The following FSTL4 variants were observed in gnomAD, a reference collection of about 807,000 sequenced individuals.
The protein encoded by FSTL4 is follistatin-related protein 4.
In FSTL4, 28 loss-of-function variants were observed where a neutral mutation model predicts 78.2. The observed-to-expected ratio is 0.36, with a 90% CI of 0.27 to 0.49. FSTL4 has a LOEUF of 0.49. Among genes scored for constraint, FSTL4 ranks in the 20% least tolerant of loss-of-function variants. The probability of loss-of-function intolerance (pLI) is 0.98; values close to 1 mark genes in which losing one functional copy is unlikely to be tolerated. For missense variants in FSTL4, 922 were observed against 1,084.9 expected (o/e 0.85, Z 2.11); for synonymous variants, 422 against 440.5 (o/e 0.96, Z 0.53).
chr5:133,570,008 G>C (rs934897700), intron 2 of FSTL4, among the ~76,000 whole-genome samples: 5 of 151,904 alleles, frequency 3.3e-5, no homozygotes, highest in African/African-American at 1.2e-4. Context: ...AGGAGATTGA[G>C]ACCATCCTGG....
the FSTL4 span, among the ~76,000 whole-genome samples, chr5:133,711,741 C>G: frequency 1.3e-5 from 2 of 152,296 alleles, no homozygotes; most frequent in African/African-American, 4.8e-5. Flanking sequence ...ATCGCTGCCC[C>G]CTCCAAAATA....
rs33932730 is a variant in FSTL4, at chr5:133,204,834, C to CAAAAA, written c.1717-2797_1717-2793dup. 7.3e-3 allele frequency among the ~76,000 whole-genome samples: 941 copies of CAAAAA among 129,014 alleles called. 19 individuals carry two copies. The highest frequency in any genetic ancestry group is 0.024 in the African/African-American group (809 of 33,920). The allele number at this position is 129,014 out of a possible 152,430, so 84.6% of individuals were successfully genotyped here. On this transcript the variant is annotated intron_variant, in intron 14 of 15. Coordinates refer to ENST00000265342, the MANE Select transcript of FSTL4 (RefSeq NM_015082.2). ...CTGGGTGCAGAGTGAGATTCTGTCT[C>CAAAAA]AAAAAAAAAAAAAAAAAATCTTTCA... is the stretch of plus-strand genomic sequence containing the variant.
intron 4 of FSTL4, among the ~76,000 whole-genome samples, chr5:133,324,414 T>G (rs1754154074): frequency 2.6e-5 from 4 of 152,216 alleles, no homozygotes; most frequent in Admixed American, 2.6e-4. Context: ...AAGTGGGCTC[T>G]CTCTTGCTGC....
intron 4 of FSTL4, among the ~76,000 whole-genome samples, chr5:133,382,760 A>C (rs760845872): frequency 6.6e-6 from 1 of 152,320 alleles, no homozygotes; most frequent in South Asian, 2.1e-4. Context: ...GCACCATGTA[A>C]TACATACTCC....
intron 6 of FSTL4, among the ~76,000 whole-genome samples, chr5:133,284,931 C>G (rs1307499463): frequency 1.3e-5 from 2 of 152,146 alleles, no homozygotes; most frequent in Non-Finnish European, 2.9e-5. Context: ...TGTGAAAGGA[C>G]TGGCTAGGGC....
At chr5:133,589,285 A>AC (rs1178624469) in intron 2 of FSTL4, among the ~76,000 whole-genome samples, 1 of 45,532 alleles carries the variant, frequency 2.2e-5, no homozygotes, top group Non-Finnish European at 4.5e-5. Context: ...TTAGAGTATA[A>AC]TAAAAAAAAA....
intron 13 of FSTL4, among the ~76,000 whole-genome samples, chr5:133,212,547 G>A (rs181355063): frequency 9.9e-5 from 15 of 152,274 alleles, no homozygotes; most frequent in African/African-American, 3.6e-4. Flanking sequence ...CCATTAAAAG[G>A]TTTATTAGAA....
chr5:133,616,238 G>T (rs1761195435), upstream of FSTL4, among the ~76,000 whole-genome samples: 1 of 152,004 alleles, frequency 6.6e-6, no homozygotes, highest in African/African-American at 2.4e-5. Flanking sequence ...CTTTGAAAGG[G>T]ACAACATAAT....
intron 14 of FSTL4, among the ~76,000 whole-genome samples, chr5:133,204,033 T>C (rs746731621): frequency 6.6e-6 from 1 of 152,104 alleles, no homozygotes; most frequent in Admixed American, 6.5e-5. Context: ...AGGAGATGCA[T>C]GTATGTGTCT....
the FSTL4 span, among the ~76,000 whole-genome samples, chr5:133,782,690 A>G: frequency 1.3e-5 from 2 of 152,216 alleles, no homozygotes; most frequent in African/African-American, 4.8e-5. Context: ...ACACTTAAAC[A>G]TGGAGTTGTA....
intron 3 of FSTL4, among the ~76,000 whole-genome samples, chr5:133,482,512 G>A (rs990019550): frequency 2.0e-5 from 3 of 152,200 alleles, no homozygotes; most frequent in Non-Finnish European, 2.9e-5. Context: ...AATGCTGTAG[G>A]GCTTACAGAG....
intron 6 of FSTL4, among the ~76,000 whole-genome samples, chr5:133,260,795 G>C (rs923828552): frequency 6.6e-6 from 1 of 152,242 alleles, no homozygotes; most frequent in African/African-American, 2.4e-5. Flanking sequence ...CAGGGGCACT[G>C]GCCCCTGATG....
chr5:133,327,278 C>T (rs1253012993), intron 4 of FSTL4, among the ~76,000 whole-genome samples: 1 of 152,216 alleles, frequency 6.6e-6, no homozygotes, highest in Non-Finnish European at 1.5e-5. Context: ...GTCTGCAGGT[C>T]TGTTAGAAAC....
the FSTL4 span, among the ~76,000 whole-genome samples, chr5:133,818,617 C>T: frequency 6.6e-6 from 1 of 152,012 alleles, no homozygotes; most frequent in African/African-American, 2.4e-5. Context: ...TAAATCCAGC[C>T]CCCACAGCCT....
At chr5:133,407,022 A>T (rs1271128434) in intron 3 of FSTL4, among the ~76,000 whole-genome samples, 1 of 152,192 alleles carries the variant, frequency 6.6e-6, no homozygotes, top group African/African-American at 2.4e-5. Context: ...TCATGCCTGG[A>T]GGATCTAGAT....
At chr5:133,540,787 T>A (rs549601670) in intron 3 of FSTL4, among the ~76,000 whole-genome samples, 1 of 151,748 alleles carries the variant, frequency 6.6e-6, no homozygotes, top group South Asian at 2.1e-4. Context: ...ACTTTCTAAG[T>A]TCTGTCTGAT....
At chr5:133,662,857 T>C in the FSTL4 span, among the ~76,000 whole-genome samples, 1 of 152,328 alleles carries the variant, frequency 6.6e-6, no homozygotes, top group East Asian at 1.9e-4. Context: ...CATTTAACCA[T>C]GTGCCTTGGA....
intron 8 of FSTL4, among the ~76,000 whole-genome samples, chr5:133,230,922 T>C (rs796299216): frequency 1.3e-5 from 2 of 152,190 alleles, no homozygotes; most frequent in South Asian, 4.1e-4. Flanking sequence ...CCTGGCTTCC[T>C]CCTGAGGACG....
At chr5:133,630,559 C>T in the FSTL4 span, among the ~76,000 whole-genome samples, 1 of 152,120 alleles carries the variant, frequency 6.6e-6, no homozygotes, top group Non-Finnish European at 1.5e-5. Flanking sequence ...GTGAAAATGG[C>T]CATATTGCCC....
Sources: allele counts gnomAD v4.1 joint callset (sites outside exome capture counted in the v4.1 genomes callset), GRCh38; gene constraint gnomAD v4.1.1; transcripts MANE v1.5; gene names NCBI Gene and HGNC (gene_info 2026-07-23, HGNC 2026-07-21).